Variants in ADAM12 observed in about 807,000 individuals in gnomAD.
ADAM12 encodes the protein ADAM metallopeptidase domain 12.
In ADAM12, 70 loss-of-function variants were observed where a neutral mutation model predicts 106.4. That is an observed-to-expected ratio of 0.66 (90% CI 0.54 to 0.80). ADAM12 has a LOEUF of 0.80. Ranked by LOEUF, ADAM12 falls within the 30% of genes least tolerant of loss-of-function variation. The probability of loss-of-function intolerance (pLI) is 0.00; values close to 1 mark genes in which losing one functional copy is unlikely to be tolerated. For missense variants in ADAM12, 1,010 were observed against 1,171.9 expected (o/e 0.86, Z 2.02); for synonymous variants, 420 against 433.5 (o/e 0.97, Z 0.39).
At chr10:126,143,487 AT>A (rs1956562796) in intron 4 of ADAM12, among the ~76,000 whole-genome samples, 1 of 150,476 alleles carries the variant, frequency 6.6e-6, no homozygotes, top group African/African-American at 2.5e-5. Context: ...TATGGTGTGC[AT>A]ATATGTATAT....
At chr10:126,069,299 A>C (rs929079712) in intron 12 of ADAM12, among the ~76,000 whole-genome samples, 17 of 152,240 alleles carry the variant, frequency 1.1e-4, no homozygotes, top group Admixed American at 3.3e-4. Context: ...AAAAAAAAGC[A>C]AATCTAAAAA....
At chr10:126,028,218 TAGAA>T (rs1953912394) in intron 21 of ADAM12, among the ~76,000 whole-genome samples, 1 of 152,144 alleles carries the variant, frequency 6.6e-6, no homozygotes, top group Non-Finnish European at 1.5e-5. Flanking sequence ...TGCTTATGGA[TAGAA>T]AGAAGCAATA....
At chr10:126,300,886 A>G (rs1960592731) in intron 2 of ADAM12, among the ~76,000 whole-genome samples, 1 of 152,220 alleles carries the variant, frequency 6.6e-6, no homozygotes, top group African/African-American at 2.4e-5. Flanking sequence ...ACCAACTTCT[A>G]AGGCAGCTTG....
At chr10:126,026,426 G>A (rs1456326537) in intron 21 of ADAM12, among the ~76,000 whole-genome samples, 1 of 152,102 alleles carries the variant, frequency 6.6e-6, no homozygotes, top group Non-Finnish European at 1.5e-5. Flanking sequence ...TGGAGCAAGT[G>A]GATCTGTTAT....
At chr10:126,151,022 C>G (rs1279518427) in intron 4 of ADAM12, among the ~76,000 whole-genome samples, 2 of 152,114 alleles carry the variant, frequency 1.3e-5, no homozygotes, top group Non-Finnish European at 2.9e-5. Flanking sequence ...TACATTAAAA[C>G]ATGTTTTTTA....
chr10:126,099,453 G>A (rs978532951), intron 9 of ADAM12, among the ~76,000 whole-genome samples: 6 of 143,576 alleles, frequency 4.2e-5, no homozygotes, highest in East Asian at 2.1e-4. Context: ...TAGAAATTTC[G>A]GCCTTTATTT....
In ADAM12 at chr10:126,053,739, C is replaced by G. The variant is rs146050127; in HGVS notation, c.1610-4070G>C. The stretch of plus-strand genomic sequence containing the variant: ...ATTTTTTTTGAGAGAGAGTTTCGCT[C>G]TTGTTGCCCAGGCTCGAGTGCAATG... On this transcript the variant is annotated intron_variant, in intron 14 of 22. Coordinates refer to ENST00000448723, the MANE Select transcript of ADAM12 (RefSeq NM_001288973.2). This position sits in a 1 kb window ranked among gnomAD's most constrained non-coding sequence, Gnocchi z 4.6. Among the ~76,000 whole-genome samples the G allele has an allele frequency of 0.016, 2,447 of 151,994 alleles. 61 individuals are homozygous for G. The highest frequency in any genetic ancestry group is 0.055 in the African/African-American group (2,297 of 41,458).
At chr10:126,107,699 G>A (rs190964272) in intron 8 of ADAM12, among the ~76,000 whole-genome samples, 22 of 152,226 alleles carry the variant, frequency 1.4e-4, no homozygotes, top group East Asian at 9.7e-4. Context: ...TTAGGACAGC[G>A]GTCACCATCC....
chr10:126,328,640 T>C (rs1007863071), intron 2 of ADAM12, among the ~76,000 whole-genome samples: 3 of 152,224 alleles, frequency 2.0e-5, no homozygotes, highest in Non-Finnish European at 4.4e-5. Context: ...TGCCATAAAC[T>C]ATATGTTGAG....
intron 3 of ADAM12, among the ~76,000 whole-genome samples, chr10:126,218,937 G>A (rs775312383): frequency 1.3e-5 from 2 of 152,166 alleles, no homozygotes; most frequent in South Asian, 4.2e-4. Context: ...GCTGCATCAC[G>A]CCTGACCTCG....
chr10:126,356,874 G>A (rs902513325), intron 1 of ADAM12, among the ~76,000 whole-genome samples: 13 of 152,156 alleles, frequency 8.5e-5, no homozygotes, highest in Admixed American at 3.9e-4. Context: ...CAGCAGGCTT[G>A]AGCAAGATGC....
At chr10:126,277,690 C>A (rs1959334963) in intron 3 of ADAM12, among the ~76,000 whole-genome samples, 1 of 152,068 alleles carries the variant, frequency 6.6e-6, no homozygotes, top group Non-Finnish European at 1.5e-5. Flanking sequence ...GTGTCTGAAT[C>A]TCTATTTTAA....
rs1565015258 is a variant in ADAM12 at position 126,051,541 on chromosome 10, CCAT to C, written c.1610-1875_1610-1873del. On this transcript the variant is annotated intron_variant, in intron 14 of 22. Coordinates refer to ENST00000448723, the MANE Select transcript of ADAM12 (RefSeq NM_001288973.2). ...TCCATCCAGCCAGCCAGCCACCCAT[CCAT>C]CCATCCATCCATCCATCCATCCATC... 8.9e-3 allele frequency among the ~76,000 whole-genome samples: 689 copies of C among 77,148 alleles called. 3 individuals are homozygous for C. The highest frequency in any genetic ancestry group is 0.031 in the South Asian group (62 of 2,026). 50.6% of individuals were successfully genotyped at this position (77,148 alleles called of 152,430 possible). A position where few individuals can be genotyped will look rare whatever the true frequency, so the allele number is the denominator to read the frequency against.
rs538628544 is a variant in ADAM12 at position 126,247,912 on chromosome 10, C to T, written c.260+31003G>A. ...ATCCTGTGGCTCCACGAGCCAATGACGGAGTAAGATGCTCTTTGAATTTCG... is the reference window on the plus strand; with the variant it reads ...ATCCTGTGGCTCCACGAGCCAATGATGGAGTAAGATGCTCTTTGAATTTCG... On this transcript the variant is annotated intron_variant, in intron 3 of 22. Transcript: ENST00000448723. Among the ~76,000 whole-genome samples, 15 of 152,154 alleles carry T rather than the reference C, an allele frequency of 9.9e-5. 1 individual carries two copies. The highest frequency in any genetic ancestry group is 6.2e-4 in the South Asian group (3 of 4,818).
intron 1 of ADAM12, among the ~76,000 whole-genome samples, chr10:126,336,236 T>G (rs1308332319): frequency 1.3e-5 from 2 of 152,220 alleles, no homozygotes; most frequent in African/African-American, 4.8e-5. Context: ...AGCTTTGCAA[T>G]TTTTCTGTCA....
chr10:126,340,982 T>C (rs1420325167), intron 1 of ADAM12, among the ~76,000 whole-genome samples: 2 of 152,182 alleles, frequency 1.3e-5, no homozygotes, highest in Non-Finnish European at 2.9e-5. Flanking sequence ...CCCAAAGTGC[T>C]GGGATTACAG....
At chr10:126,335,287 C>T (rs904475697) in intron 1 of ADAM12, among the ~76,000 whole-genome samples, 3 of 152,228 alleles carry the variant, frequency 2.0e-5, no homozygotes, top group African/African-American at 7.2e-5. Context: ...ACCTGGAGTT[C>T]TGGCTTGAAA....
At chr10:126,086,572 G>T (rs1336803023) in intron 11 of ADAM12, among the ~76,000 whole-genome samples, 2 of 142,092 alleles carry the variant, frequency 1.4e-5, no homozygotes, top group East Asian at 4.2e-4. Context: ...AGCTACTTGG[G>T]AGGCTGAGGA....
intron 3 of ADAM12, among the ~76,000 whole-genome samples, chr10:126,268,312 C>T (rs189697502): frequency 2.6e-3 from 401 of 152,296 alleles, no homozygotes; most frequent in African/African-American, 9.1e-3. Context: ...GAATGTCATT[C>T]CTTTTGAAGG....
Sources: allele counts gnomAD v4.1 joint callset (sites outside exome capture counted in the v4.1 genomes callset), GRCh38; gene constraint gnomAD v4.1.1; non-coding constraint Gnocchi (gnomAD v3.1); transcripts MANE v1.5; gene names NCBI Gene and HGNC (gene_info 2026-07-23, HGNC 2026-07-21).